The following THBS4 variants were observed in gnomAD, a reference collection of about 807,000 sequenced individuals.
THBS4 encodes the protein thrombospondin 4.
THBS4 carries 90 observed loss-of-function variants against 115.7 expected under a neutral mutation model. The observed-to-expected ratio is 0.78, with a 90% CI of 0.66 to 0.93. THBS4 has a LOEUF of 0.93. Ranked by LOEUF, THBS4 falls within the 40% of genes least tolerant of loss-of-function variation. The probability of loss-of-function intolerance (pLI) is 0.00; values close to 1 mark genes in which losing one functional copy is unlikely to be tolerated. For synonymous variants in THBS4, 460 were observed against 479.3 expected (o/e 0.96, Z 0.53); for missense variants, 1,087 against 1,232.7 (o/e 0.88, Z 1.77).
intron 8 of THBS4, among the ~76,000 whole-genome samples, chr5:80,062,713 T>G (rs897436506): frequency 8.5e-5 from 13 of 152,112 alleles, no homozygotes; most frequent in Non-Finnish European, 4.4e-5. Flanking sequence ...GGCCCTGGTG[T>G]GTGACATTCC....
intron 4 of THBS4, 36 bp downstream of exon 4, chr5:80,058,350 A>T: frequency 6.8e-7 from 1 of 1,475,800 alleles, no homozygotes. Context: ...GCCTTCATCA[A>T]CACAAACTCC....
chr5:80,072,533 A>G (rs1484912299), intron 14 of THBS4, 137 bp downstream of exon 14: 2 of 774,360 alleles, frequency 2.6e-6, no homozygotes, highest in Admixed American at 2.1e-5. Context: ...TGGAAAAATG[A>G]CACACTGTGG....
At position 80,080,544 on chromosome 5, in the gene THBS4, C is replaced by G. The variant is rs1444783403; in HGVS notation, c.2684+467C>G. On this transcript the variant is annotated intron_variant, in intron 20 of 21. Coordinates refer to ENST00000350881, the MANE Select transcript of THBS4 (RefSeq NM_003248.6). The stretch of plus-strand genomic sequence containing the variant: ...TGTCCCTTACAGTCTGTCTTCCCTG[C>G]TGGATCACAAACTGCATGAGAGCAG... Among the ~76,000 whole-genome samples the G allele has an allele frequency of 2.1e-5, 3 of 143,754 alleles. No individual in the cohort carries two copies. In the Admixed American group the frequency reaches 2.2e-4, roughly 11 times the overall value. 94.3% of individuals were successfully genotyped at this position (143,754 alleles called of 152,430 possible).
chr5:80,052,175 C>T (rs933513387), intron 2 of THBS4, among the ~76,000 whole-genome samples: 1 of 152,070 alleles, frequency 6.6e-6, no homozygotes, highest in Non-Finnish European at 1.5e-5. Flanking sequence ...TGAGTTAGTG[C>T]ATATGTTTGG....
At chr5:80,054,075 C>CAA (rs1220532661) in intron 2 of THBS4, among the ~76,000 whole-genome samples, 3 of 151,050 alleles carry the variant, frequency 2.0e-5, no homozygotes, top group Non-Finnish European at 4.4e-5. Context: ...ATAGGAAAAA[C>CAA]AAAACAAAAC....
At chr5:80,018,639 C>G (rs1040575587) in intron 2 of THBS4, among the ~76,000 whole-genome samples, 1 of 152,040 alleles carries the variant, frequency 6.6e-6, no homozygotes, top group Non-Finnish European at 1.5e-5. Context: ...AGGTGATCTG[C>G]CCACCTCGGC....
At chr5:79,993,836 T>C (rs1831737198) in intron 1 of THBS4, among the ~76,000 whole-genome samples, 1 of 152,218 alleles carries the variant, frequency 6.6e-6, no homozygotes, top group South Asian at 2.1e-4. Context: ...TGGTACAGTA[T>C]ATGGTCCCTT....
chr5:80,038,062 G>A (rs1832772924), intron 1 of THBS4, among the ~76,000 whole-genome samples: 2 of 152,080 alleles, frequency 1.3e-5, no homozygotes, highest in South Asian at 4.1e-4. Flanking sequence ...AAATATTCTT[G>A]AGTAACTAGG....
chr5:79,991,819 A>G (rs1353978939), intron 1 of THBS4, among the ~76,000 whole-genome samples: 2 of 152,188 alleles, frequency 1.3e-5, no homozygotes, highest in African/African-American at 2.4e-5. Context: ...TGCTCCCTCA[A>G]AAATGAGCTT....
At chr5:80,032,054 A>G (rs556754858), upstream of THBS4, among the ~76,000 whole-genome samples, 20 of 152,246 alleles carry the variant, frequency 1.3e-4, no homozygotes, top group Non-Finnish European at 2.5e-4. Context: ...AAAATCAAAC[A>G]AATTAATACA....
intron 9 of THBS4, among the ~76,000 whole-genome samples, chr5:80,065,968 G>A (rs1411034514): frequency 2.0e-5 from 3 of 152,050 alleles, no homozygotes; most frequent in Admixed American, 2.0e-4. Context: ...GGTGGCGGGT[G>A]CCTGTAGTCC....
At chr5:80,016,395 T>C (rs185105968) in intron 2 of THBS4, among the ~76,000 whole-genome samples, 284 of 152,322 alleles carry the variant, frequency 1.9e-3, no homozygotes, top group South Asian at 6.4e-3. Context: ...TGTTTTATTT[T>C]ATTTCATTTT....
intron 19 of THBS4, 123 bp from the exon 20 acceptor site, chr5:80,079,782 T>TTCTGAA (rs1417549477): frequency 3.1e-5 from 32 of 1,027,898 alleles, no homozygotes; most frequent in Non-Finnish European, 4.4e-5. Context: ...TTATGCTTTG[T>TTCTGAA]TCTGAATCCA....
chr5:79,999,698 T>A (rs932629455), intron 2 of THBS4, among the ~76,000 whole-genome samples: 1 of 152,220 alleles, frequency 6.6e-6, no homozygotes, highest in African/African-American at 2.4e-5. Flanking sequence ...ATAAATCGCT[T>A]TAAACAGCAA....
chr5:80,002,669 T>C (rs928476782), intron 2 of THBS4, among the ~76,000 whole-genome samples: 1 of 146,180 alleles, frequency 6.8e-6, no homozygotes, highest in Non-Finnish European at 1.5e-5. Context: ...GTCCAAGCAG[T>C]AAATGGCATT....
chr5:80,029,226 CCACAT>C (rs1418505446), intron 2 of THBS4, among the ~76,000 whole-genome samples: 2 of 152,134 alleles, frequency 1.3e-5, no homozygotes. Flanking sequence ...TCATTACACT[CCACAT>C]CATATTTTCT....
chr5:80,013,633 C>T (rs1345385656), intron 2 of THBS4, among the ~76,000 whole-genome samples: 1 of 152,022 alleles, frequency 6.6e-6, no homozygotes, highest in Non-Finnish European at 1.5e-5. Flanking sequence ...TGCACCCTGG[C>T]CATGTAGCAT....
intron 2 of THBS4, among the ~76,000 whole-genome samples, chr5:80,001,075 C>T (rs1384049352): frequency 4.6e-5 from 7 of 152,216 alleles, no homozygotes; most frequent in Non-Finnish European, 8.8e-5. Context: ...AATAAGACTT[C>T]TCACCTGATC....
At chr5:80,022,556 C>T (rs1391531353) in intron 2 of THBS4, among the ~76,000 whole-genome samples, 2 of 152,180 alleles carry the variant, frequency 1.3e-5, no homozygotes, top group Non-Finnish European at 2.9e-5. Flanking sequence ...CCAGCATGTT[C>T]ACCTTTCAAT....
Sources: gnomAD v4.1 joint callset for allele counts (sites outside exome capture counted in the v4.1 genomes callset) on GRCh38, gnomAD v4.1.1 for gene constraint, MANE v1.5 for transcripts, NCBI Gene and HGNC (gene_info 2026-07-23, HGNC 2026-07-21) for gene names.